SUSD1: variants seen among roughly 807,000 people sequenced by gnomAD.
SUSD1 encodes sushi domain-containing protein 1.
Under a neutral mutation model 86.9 loss-of-function variants are expected in SUSD1, and 65 were observed. The observed-to-expected ratio is 0.75, with a 90% CI of 0.61 to 0.92. The LOEUF is 0.92. SUSD1 is among the 40% of genes least tolerant of loss of function. The pLI, the probability that SUSD1 is intolerant of heterozygous loss-of-function variation, is 0.00. For missense variants in SUSD1, 850 were observed against 929.7 expected (o/e 0.91, Z 1.11); for synonymous variants, 346 against 350.0 (o/e 0.99, Z 0.13).
At chr9:112,057,264 T>C (rs756126183) in intron 14 of SUSD1, among the ~76,000 whole-genome samples, 61 of 152,156 alleles carry the variant, frequency 4.0e-4, no homozygotes, top group Non-Finnish European at 7.6e-4. Flanking sequence ...CTGTGAGAAA[T>C]AAATGTCTGT....
intron 5 of SUSD1, among the ~76,000 whole-genome samples, chr9:112,134,952 G>C (rs1250470892): frequency 6.6e-6 from 1 of 151,858 alleles, no homozygotes; most frequent in African/African-American, 2.4e-5. Context: ...TGTAATCCCA[G>C]CTACTCGGGA....
At chr9:112,158,087 G>T (rs1027345821) in intron 1 of SUSD1, among the ~76,000 whole-genome samples, 42 of 151,846 alleles carry the variant, frequency 2.8e-4, no homozygotes, top group African/African-American at 9.7e-4. Flanking sequence ...GCCTTCTAAA[G>T]TACTGGGATT....
At chr9:112,056,632 C>T (rs529126948) in intron 14 of SUSD1, among the ~76,000 whole-genome samples, 2 of 152,198 alleles carry the variant, frequency 1.3e-5, no homozygotes, top group African/African-American at 4.8e-5. Flanking sequence ...TAAAGAATAA[C>T]CACATATTCT....
chr9:112,108,873 A>C (rs568017390), intron 8 of SUSD1, among the ~76,000 whole-genome samples: 2 of 151,718 alleles, frequency 1.3e-5, no homozygotes, highest in African/African-American at 4.8e-5. Flanking sequence ...AGGAGAAATT[A>C]GTGAGTTAGA....
intron 12 of SUSD1, 89 bp from the exon 13 acceptor site, chr9:112,063,122 G>A: frequency 5.1e-6 from 4 of 783,316 alleles, no homozygotes; most frequent in Non-Finnish European, 6.5e-6. Context: ...CTATCAAAAA[G>A]AAAGTTTTAA....
chr9:112,129,836 A>G (rs1446650602), intron 5 of SUSD1, among the ~76,000 whole-genome samples: 1 of 152,218 alleles, frequency 6.6e-6, no homozygotes, highest in African/African-American at 2.4e-5. Flanking sequence ...ACTTTATCAC[A>G]GTTCAAGATG....
intron 3 of SUSD1, among the ~76,000 whole-genome samples, chr9:112,145,643 C>T (rs1832779617): frequency 6.6e-6 from 1 of 152,126 alleles, no homozygotes; most frequent in Admixed American, 6.5e-5. Context: ...GCCTCAGAAT[C>T]CTTTTGAACT....
chr9:112,161,354 T>C (rs567508455), intron 1 of SUSD1, among the ~76,000 whole-genome samples: 1 of 148,762 alleles, frequency 6.7e-6, no homozygotes, highest in South Asian at 2.1e-4. Context: ...CACTCCAGCC[T>C]GGGTGACAAA....
At chr9:112,157,673 AG>A (rs1434467660) in intron 1 of SUSD1, 60 bp from the exon 2 acceptor site, 4 of 1,417,860 alleles carry the variant, frequency 2.8e-6, no homozygotes, top group Non-Finnish European at 4.0e-6. Flanking sequence ...ACATGTAGTT[AG>A]TGGACATTTA....
intron 14 of SUSD1, among the ~76,000 whole-genome samples, chr9:112,054,842 C>T (rs1828377961): frequency 6.6e-6 from 1 of 152,106 alleles, no homozygotes; most frequent in South Asian, 2.1e-4. Context: ...TGATCATCAT[C>T]AAAATTTCAA....
chr9:112,144,972 TG>T (rs1832746164), intron 3 of SUSD1, among the ~76,000 whole-genome samples: 1 of 152,152 alleles, frequency 6.6e-6, no homozygotes, highest in South Asian at 2.1e-4. Context: ...TGGGCATGCC[TG>T]GGCATGCCTA....
At chr9:112,050,950 T>G (rs1193401056) in intron 15 of SUSD1, among the ~76,000 whole-genome samples, 2 of 152,144 alleles carry the variant, frequency 1.3e-5, no homozygotes, top group Admixed American at 6.5e-5. Flanking sequence ...TCCCACTGCA[T>G]CTCTAAGGAA....
At chr9:112,164,609 A>C (rs1833700664) in intron 1 of SUSD1, among the ~76,000 whole-genome samples, 1 of 152,086 alleles carries the variant, frequency 6.6e-6, no homozygotes, top group Admixed American at 6.6e-5. Flanking sequence ...GTAACCATAA[A>C]GGTAAAAAAA....
chr9:112,086,370 T>G (rs969440287), intron 10 of SUSD1, among the ~76,000 whole-genome samples: 12 of 150,818 alleles, frequency 8.0e-5, no homozygotes, highest in Non-Finnish European at 1.6e-4. Context: ...CAAAATTATC[T>G]CTCAATCTCC....
rs150179012 is a variant in SUSD1 at position 112,082,515 on chromosome 9, A to G, written c.1475-2350T>C. 4.0e-3 allele frequency among the ~76,000 whole-genome samples: 613 copies of G among 152,272 alleles called. 4 individuals carry two copies. The highest frequency in any genetic ancestry group is 0.014 in the African/African-American group (585 of 41,550). ...GAGGTTAAACTGATGAGCTTTAAATATGGCGGATGGAGCCACAAGCCAAGG... is the reference window on the plus strand; with the variant it reads ...GAGGTTAAACTGATGAGCTTTAAATGTGGCGGATGGAGCCACAAGCCAAGG... On this transcript the variant is annotated intron_variant, in intron 10 of 16. Coordinates refer to ENST00000374270, the MANE Select transcript of SUSD1 (RefSeq NM_022486.5).
chr9:112,174,509 A>G (rs1834181401), intron 1 of SUSD1, among the ~76,000 whole-genome samples: 1 of 152,176 alleles, frequency 6.6e-6, no homozygotes, highest in African/African-American at 2.4e-5. Flanking sequence ...GCTGGTCTAA[A>G]TCCTCCAGAC....
chr9:112,104,467 C>T (rs999120791), intron 8 of SUSD1, among the ~76,000 whole-genome samples: 8 of 152,074 alleles, frequency 5.3e-5, no homozygotes, highest in African/African-American at 1.4e-4. Context: ...GGAAGGACTT[C>T]GAAGTAGAGG....
At chr9:112,089,618 C>T (rs1830118357) in intron 10 of SUSD1, among the ~76,000 whole-genome samples, 1 of 152,012 alleles carries the variant, frequency 6.6e-6, no homozygotes, top group Admixed American at 6.5e-5. Flanking sequence ...TCAGGAACAG[C>T]CTGACCAACA....
chr9:112,076,047 A>G (rs1432330681), intron 12 of SUSD1, among the ~76,000 whole-genome samples: 1 of 152,208 alleles, frequency 6.6e-6, no homozygotes, highest in Non-Finnish European at 1.5e-5. Context: ...CAGGGGCCAG[A>G]TGACATGTCC....
Sources: gnomAD v4.1 joint callset for allele counts (sites outside exome capture counted in the v4.1 genomes callset) on GRCh38, gnomAD v4.1.1 for gene constraint, MANE v1.5 for transcripts, NCBI Gene and HGNC (gene_info 2026-07-23, HGNC 2026-07-21) for gene names.